The following CTNNA3 variants were observed in gnomAD, a reference collection of about 807,000 sequenced individuals.
CTNNA3 encodes catenin alpha-3.
Under a neutral mutation model 95.7 loss-of-function variants are expected in CTNNA3, and 76 were observed. The observed-to-expected ratio is 0.79, with a 90% CI of 0.66 to 0.96. The LOEUF (loss-of-function observed/expected upper bound fraction) is 0.96, where lower values mean the gene tolerates loss of function less well. Ranked by LOEUF, CTNNA3 falls within the 40% of genes least tolerant of loss-of-function variation. The pLI, the probability that CTNNA3 is intolerant of heterozygous loss-of-function variation, is 0.00. For synonymous variants in CTNNA3, 431 were observed against 374.4 expected, an observed-to-expected ratio of 1.15 and a Z score of -1.74; for missense variants, 1,191 against 1,089.8, an observed-to-expected ratio of 1.09 and a Z score of -1.31.
intron 12 of CTNNA3, among the ~76,000 whole-genome samples, chr10:66,372,121 T>C (rs907188743): frequency 5.3e-5 from 8 of 152,170 alleles, no homozygotes; most frequent in Non-Finnish European, 1.2e-4. Context: ...AGTTTTTTCT[T>C]CTTGTTCTCC....
At chr10:66,320,137 C>T (rs770500390) in intron 12 of CTNNA3, among the ~76,000 whole-genome samples, 5 of 152,022 alleles carry the variant, frequency 3.3e-5, no homozygotes, top group Admixed American at 6.6e-5. Flanking sequence ...TAAGTCTTAT[C>T]GACCATCACT....
At chr10:66,090,354 G>A (rs1048706140) in intron 14 of CTNNA3, among the ~76,000 whole-genome samples, 6 of 151,980 alleles carry the variant, frequency 3.9e-5, no homozygotes, top group Admixed American at 3.9e-4. Flanking sequence ...TGTCATAAAT[G>A]TGAATCCACT....
chr10:66,923,227 T>A (rs1378887755), intron 7 of CTNNA3, among the ~76,000 whole-genome samples: 1 of 152,192 alleles, frequency 6.6e-6, no homozygotes, highest in Non-Finnish European at 1.5e-5. Context: ...CAGCAGAGAA[T>A]AATATTCACC....
intron 7 of CTNNA3, among the ~76,000 whole-genome samples, chr10:66,923,898 T>C (rs1388718176): frequency 6.6e-6 from 1 of 152,260 alleles, no homozygotes; most frequent in African/African-American, 2.4e-5. Context: ...ATTTATTGCA[T>C]GTCTGCAATG....
At chr10:66,114,626 A>G (rs76150061) in intron 13 of CTNNA3, among the ~76,000 whole-genome samples, 2,043 of 152,058 alleles carry the variant, frequency 0.013, 46 homozygotes, top group African/African-American at 0.047. Context: ...CACATCTGTA[A>G]TCCCAGCACT....
intron 7 of CTNNA3, among the ~76,000 whole-genome samples, chr10:66,845,952 G>A: frequency 6.6e-6 from 1 of 151,884 alleles, no homozygotes; most frequent in Non-Finnish European, 1.5e-5. Context: ...CCAACATGGT[G>A]AAACCCTGTC....
intron 7 of CTNNA3, among the ~76,000 whole-genome samples, chr10:67,068,236 G>A (rs1856212089): frequency 6.6e-6 from 1 of 152,146 alleles, no homozygotes; most frequent in African/African-American, 2.4e-5. Context: ...GTGACTGGAT[G>A]TGGAAAGAGG....
chr10:67,379,043 A>T (rs1391503614), intron 5 of CTNNA3, among the ~76,000 whole-genome samples: 1 of 152,196 alleles, frequency 6.6e-6, no homozygotes, highest in Non-Finnish European at 1.5e-5. Flanking sequence ...AACTGCATCA[A>T]CCATTTAAAA....
rs373461540 is a variant in CTNNA3, at chr10:67,280,240, G to A, written c.580-60370C>T. Among the ~76,000 whole-genome samples the A allele has an allele frequency of 6.0e-5, 9 of 149,968 alleles. 1 individual carries two copies. Among genetic ancestry groups the A allele is most frequent in the African/African-American group, 1.2e-4 (5 of 40,382 alleles). ...GGCACAGAATTGTCTTTTGTCCCCC[G>A]CCCTGAAATTTAATTATCTATGGCA... On this transcript the variant is annotated intron_variant, in intron 5 of 17. Transcript: ENST00000433211.
chr10:67,346,245 A>C (rs1229516675), intron 5 of CTNNA3, among the ~76,000 whole-genome samples: 3 of 152,022 alleles, frequency 2.0e-5, no homozygotes. Context: ...TAGTCTTTCC[A>C]CTTAAGAGTA....
chr10:66,808,522 ATACAG>A (rs1217788766), intron 7 of CTNNA3, among the ~76,000 whole-genome samples: 1 of 152,170 alleles, frequency 6.6e-6, no homozygotes, highest in Admixed American at 6.6e-5. Flanking sequence ...AAAGTTAAAC[ATACAG>A]TAGTTCCCCT....
intron 13 of CTNNA3, among the ~76,000 whole-genome samples, chr10:66,239,685 C>T (rs2090016616): frequency 6.6e-6 from 1 of 151,864 alleles, no homozygotes; most frequent in Admixed American, 6.6e-5. Flanking sequence ...AAGCATTTCC[C>T]TTATGAGTTT....
At chr10:67,699,438 C>A (rs1460324217), upstream of CTNNA3, among the ~76,000 whole-genome samples, 1 of 152,218 alleles carries the variant, frequency 6.6e-6, no homozygotes, top group Admixed American at 6.5e-5. Context: ...GGGGATAACA[C>A]ATCCTAACCT....
intron 11 of CTNNA3, among the ~76,000 whole-genome samples, chr10:66,466,226 C>T (rs1221271748): frequency 1.3e-5 from 2 of 151,810 alleles, no homozygotes; most frequent in Non-Finnish European, 2.9e-5. Context: ...ACCAGCCTAC[C>T]CTGCATATTC....
intron 7 of CTNNA3, chr10:67,176,757 T>C (rs1379653257): frequency 1.1e-5 from 4 of 365,442 alleles, no homozygotes; most frequent in Non-Finnish European, 1.6e-5. Flanking sequence ...TTCCAAGGTG[T>C]GGTCAGAGAA....
At chr10:66,966,278 A>G (rs561596625) in intron 7 of CTNNA3, among the ~76,000 whole-genome samples, 1 of 152,234 alleles carries the variant, frequency 6.6e-6, no homozygotes, top group East Asian at 1.9e-4. Flanking sequence ...TGTGTAGACA[A>G]TTAAATTAAT....
At chr10:66,011,962 ATGAC>A (rs1331000358) in intron 15 of CTNNA3, among the ~76,000 whole-genome samples, 1 of 152,198 alleles carries the variant, frequency 6.6e-6, no homozygotes, top group Non-Finnish European at 1.5e-5. Context: ...GCAACATAGA[ATGAC>A]TGGATGAAAA....
At chr10:66,086,112 G>T (rs1209114554) in intron 14 of CTNNA3, among the ~76,000 whole-genome samples, 2 of 152,056 alleles carry the variant, frequency 1.3e-5, no homozygotes, top group African/African-American at 4.8e-5. Context: ...GATTAGAAAG[G>T]CCCATAGCAA....
At chr10:66,584,923 A>G (rs1418076946) in intron 10 of CTNNA3, among the ~76,000 whole-genome samples, 1 of 151,992 alleles carries the variant, frequency 6.6e-6, no homozygotes, top group Non-Finnish European at 1.5e-5. Context: ...GAGAAAAACT[A>G]TTTCTCCTTT....
Sources: allele counts gnomAD v4.1 joint callset (sites outside exome capture counted in the v4.1 genomes callset), GRCh38; gene constraint gnomAD v4.1.1; transcripts MANE v1.5; gene names NCBI Gene and HGNC (gene_info 2026-07-23, HGNC 2026-07-21).